Variants in DIAPH2 observed in about 807,000 individuals in gnomAD.
The protein encoded by DIAPH2 is diaphanous related formin 2.
DIAPH2 carries 35 observed loss-of-function variants against 92.7 expected under a neutral mutation model. The observed-to-expected ratio is 0.38, with a 90% confidence interval of 0.29 to 0.50. DIAPH2 has a LOEUF of 0.50. Among genes scored for constraint, DIAPH2 ranks in the 20% least tolerant of loss-of-function variants. The pLI is 0.94. For synonymous variants in DIAPH2, 301 were observed against 280.4 expected, an observed-to-expected ratio of 1.07 and a Z score of -0.73; for missense variants, 701 against 819.5, an observed-to-expected ratio of 0.86 and a Z score of 1.77.
At chrX:96,885,451 A>G (rs1388963874) in intron 5 of DIAPH2, 3 of 44,560 alleles carry the variant, frequency 6.7e-5, no homozygotes, top group Non-Finnish European at 1.3e-4. Flanking sequence ...CGAAAAGACA[A>G]AAAAAAAAAA....
At chrX:96,927,587 G>A (rs2065592290) in intron 9 of DIAPH2, among the ~76,000 whole-genome samples, 1 of 111,157 alleles carries the variant, frequency 9.0e-6, no homozygotes, top group Non-Finnish European at 1.9e-5. Context: ...CTGGAACAAT[G>A]GCTAGTGAAA....
chrX:97,449,194 T>C (rs1234877819), intron 26 of DIAPH2, among the ~76,000 whole-genome samples: 6 of 112,002 alleles, frequency 5.4e-5, no homozygotes, highest in Admixed American at 2.9e-4. Context: ...CCAGATGTAA[T>C]AGGGAGAGAT....
In DIAPH2 at chrX:97,141,691, A is replaced by G. The variant is rs1250520246; in HGVS notation, c.2616A>G (p.Gln872=). Residue 872 remains glutamine (Q), a synonymous_variant, in exon 22 of 27, where the codon CAA becomes CAG. Transcript: ENST00000324765. The part of the protein sequence containing the change: ...CKIRDTKSAD[Q]KTTLLHFIAD... ...TCAGAGATACTAAATCAGCGGATCAAAAAACAACCCTTTTGCATTTTATTG... is the reference window on the plus strand; with the variant it reads ...TCAGAGATACTAAATCAGCGGATCAGAAAACAACCCTTTTGCATTTTATTG... 1.7e-6 allele frequency: 2 copies of G among 1,202,319 alleles called. No homozygotes were observed. The highest frequency in any genetic ancestry group is 1.8e-5 in the African/African-American group (1 of 57,073).
At chrX:97,050,958 C>T (rs2066516554) in intron 17 of DIAPH2, among the ~76,000 whole-genome samples, 1 of 111,723 alleles carries the variant, frequency 9.0e-6, no homozygotes, top group African/African-American at 3.2e-5. Flanking sequence ...TTAAAAGTAT[C>T]ACTTTCTGTA....
At chrX:96,778,247 A>T (rs756872057) in intron 4 of DIAPH2, among the ~76,000 whole-genome samples, 13 of 110,210 alleles carry the variant, frequency 1.2e-4, no homozygotes, top group Middle Eastern at 4.2e-3. Context: ...ATTTTTGAAT[A>T]TGTAACTCAC....
chrX:97,410,108 C>T (rs1189325696), intron 25 of DIAPH2, among the ~76,000 whole-genome samples: 2 of 112,149 alleles, frequency 1.8e-5, no homozygotes, highest in East Asian at 5.6e-4. Context: ...TGGGAGACAC[C>T]TCCCAGTTTG....
intron 15 of DIAPH2, among the ~76,000 whole-genome samples, chrX:96,956,859 A>G (rs1021973203): frequency 2.7e-5 from 3 of 111,023 alleles, no homozygotes; most frequent in African/African-American, 9.9e-5. Context: ...AACTATTCCA[A>G]CCTCTGCCTG....
chrX:96,819,259 T>C (rs765559055), intron 4 of DIAPH2, among the ~76,000 whole-genome samples: 1 of 112,714 alleles, frequency 8.9e-6, no homozygotes, highest in East Asian at 2.8e-4. Context: ...CTTTGCTTCT[T>C]TGAAAAGTAA....
chrX:97,077,620 C>T (rs1353166801), intron 19 of DIAPH2, among the ~76,000 whole-genome samples: 2 of 111,903 alleles, frequency 1.8e-5, no homozygotes, highest in Non-Finnish European at 3.8e-5. Context: ...GGTCAATAGG[C>T]TCTTGCTGGG....
intron 4 of DIAPH2, among the ~76,000 whole-genome samples, chrX:96,811,880 A>G (rs146175074): frequency 0.059 from 6,572 of 111,659 alleles, 206 homozygotes; most frequent in Middle Eastern, 0.16. Flanking sequence ...CCACTTGATC[A>G]TGGTGGATAA....
At chrX:97,597,268 C>T (rs1205834595) in intron 26 of DIAPH2, among the ~76,000 whole-genome samples, 2 of 112,037 alleles carry the variant, frequency 1.8e-5, no homozygotes, top group Non-Finnish European at 3.8e-5. Flanking sequence ...TGGATTTAGG[C>T]CCTGAACTCA....
chrX:96,857,987 T>A (rs2065050663), intron 4 of DIAPH2, among the ~76,000 whole-genome samples: 1 of 112,456 alleles, frequency 8.9e-6, no homozygotes, highest in Admixed American at 9.4e-5. Context: ...AAAAACCAGA[T>A]CTAAATTTCT....
At chrX:96,760,230 G>A (rs1028524458) in intron 4 of DIAPH2, among the ~76,000 whole-genome samples, 1 of 111,624 alleles carries the variant, frequency 9.0e-6, no homozygotes, top group Non-Finnish European at 1.9e-5. Flanking sequence ...ACGTTAATTA[G>A]TACTATGTTT....
chrX:97,075,383 T>A (rs2066698478), intron 19 of DIAPH2, 122 bp downstream of exon 19: 1 of 370,219 alleles, frequency 2.7e-6, no homozygotes, highest in African/African-American at 2.6e-5. Flanking sequence ...CATTGAATAG[T>A]TTAATAAAAT....
chrX:97,034,413 G>C (rs970496717), intron 17 of DIAPH2, among the ~76,000 whole-genome samples: 79 of 108,320 alleles, frequency 7.3e-4, no homozygotes, highest in African/African-American at 2.7e-3. Context: ...AATGTTGTTA[G>C]CCTAAGGTTC....
At chrX:97,151,228 G>A (rs2067283297) in intron 22 of DIAPH2, among the ~76,000 whole-genome samples, 1 of 111,177 alleles carries the variant, frequency 9.0e-6, no homozygotes, top group Non-Finnish European at 1.9e-5. Context: ...GATTCAGGTG[G>A]CCACTTATAT....
At chrX:96,690,736 C>A (rs775781026) in intron 1 of DIAPH2, among the ~76,000 whole-genome samples, 32 of 111,557 alleles carry the variant, frequency 2.9e-4, no homozygotes, top group Admixed American at 9.5e-4. Flanking sequence ...ACTAGTCTAC[C>A]CTTTTCTTTC....
At chrX:97,370,718 G>A (rs994590103) in intron 24 of DIAPH2, among the ~76,000 whole-genome samples, 2 of 111,582 alleles carry the variant, frequency 1.8e-5, no homozygotes, top group Non-Finnish European at 3.8e-5. Context: ...GGAAATAGCC[G>A]GAAGTTACAT....
chrX:97,000,510 G>A (rs2066136464), intron 17 of DIAPH2, among the ~76,000 whole-genome samples: 1 of 109,763 alleles, frequency 9.1e-6, no homozygotes, highest in Non-Finnish European at 1.9e-5. Flanking sequence ...TTGCCCATGT[G>A]CCAGTAGTCC....
Sources: gnomAD v4.1 joint callset for allele counts (sites outside exome capture counted in the v4.1 genomes callset) on GRCh38, gnomAD v4.1.1 for gene constraint, MANE v1.5 for transcripts, NCBI Gene and HGNC (gene_info 2026-07-23, HGNC 2026-07-21) for gene names.